The following IFNG-AS1 variants were observed in gnomAD, a reference collection of about 807,000 sequenced individuals.
IFNG-AS1 encodes IFNG antisense RNA 1 (non-protein coding).
chr12:68,008,995 A>G (rs1285192417), intron 3 of IFNG-AS1, among the ~76,000 whole-genome samples: 5 of 152,232 alleles, frequency 3.3e-5, no homozygotes, highest in Non-Finnish European at 7.3e-5. Flanking sequence ...AGTTGAAAAT[A>G]CAACTTTTGA....
chr12:67,997,466 A>G (rs537663061), intron 2 of IFNG-AS1, among the ~76,000 whole-genome samples: 1 of 152,126 alleles, frequency 6.6e-6, no homozygotes, highest in Admixed American at 6.5e-5. Flanking sequence ...TTAGATCCAT[A>G]TCTCACACCA....
chr12:68,015,969 A>G (rs2120477631), intron 3 of IFNG-AS1, among the ~76,000 whole-genome samples: 1 of 152,134 alleles, frequency 6.6e-6, no homozygotes, highest in Non-Finnish European at 1.5e-5. Context: ...AACCTTTCCC[A>G]GAAATTGACA....
chr12:67,996,971 G>T (rs1879656356), intron 2 of IFNG-AS1, among the ~76,000 whole-genome samples: 1 of 152,034 alleles, frequency 6.6e-6, no homozygotes, highest in South Asian at 2.1e-4. Flanking sequence ...AATAAGATAA[G>T]TTATTATAAT....
At chr12:67,992,853 T>C (rs1205328471) in intron 1 of IFNG-AS1, among the ~76,000 whole-genome samples, 1 of 152,244 alleles carries the variant, frequency 6.6e-6, no homozygotes, top group East Asian at 1.9e-4. Context: ...AATATCACTG[T>C]GCCAACTTTA....
chr12:68,007,859 C>G (rs1401244950), intron 3 of IFNG-AS1, among the ~76,000 whole-genome samples: 1 of 152,116 alleles, frequency 6.6e-6, no homozygotes, highest in African/African-American at 2.4e-5. Flanking sequence ...AAATAGATGA[C>G]TTGGTGCCCT....
intron 3 of IFNG-AS1, among the ~76,000 whole-genome samples, chr12:68,018,221 T>C (rs1337610682): frequency 6.6e-6 from 1 of 152,086 alleles, no homozygotes; most frequent in Non-Finnish European, 1.5e-5. Context: ...TTATTTTTGG[T>C]CTTCTGAACA....
intron 1 of IFNG-AS1, among the ~76,000 whole-genome samples, chr12:67,993,318 G>C (rs1162537745): frequency 6.6e-6 from 1 of 152,156 alleles, no homozygotes; most frequent in African/African-American, 2.4e-5. Flanking sequence ...ATTCATCTCA[G>C]TGAAAGCATC....
chr12:68,012,233 A>G (rs1414404292), intron 3 of IFNG-AS1, among the ~76,000 whole-genome samples: 2 of 152,080 alleles, frequency 1.3e-5, no homozygotes, highest in Non-Finnish European at 2.9e-5. Context: ...AAATTTTTTT[A>G]AGTACTAGGG....
At chr12:67,998,239 T>G (rs1367324302) in intron 2 of IFNG-AS1, among the ~76,000 whole-genome samples, 1 of 152,048 alleles carries the variant, frequency 6.6e-6, no homozygotes, top group East Asian at 1.9e-4. Context: ...AATGTAAATA[T>G]CTGAACACAA....
intron 2 of IFNG-AS1, among the ~76,000 whole-genome samples, chr12:68,002,863 T>G (rs1215159402): frequency 6.6e-6 from 1 of 152,212 alleles, no homozygotes; most frequent in Non-Finnish European, 1.5e-5. Flanking sequence ...GCAGAAAGTA[T>G]CAGTGAGCCA....
intron 3 of IFNG-AS1, among the ~76,000 whole-genome samples, chr12:68,006,746 G>A (rs539140430): frequency 1.3e-5 from 2 of 152,332 alleles, no homozygotes; most frequent in African/African-American, 4.8e-5. Flanking sequence ...GGCACTGAAA[G>A]AACAGGCTGC....
intron 3 of IFNG-AS1, among the ~76,000 whole-genome samples, chr12:68,015,211 G>A (rs12582257): frequency 0.036 from 5,517 of 152,190 alleles, 261 homozygotes; most frequent in East Asian, 0.19. Flanking sequence ...GACAATGCAG[G>A]CAGGGGCTTC....
At chr12:68,002,854 C>A (rs7962511) in intron 2 of IFNG-AS1, among the ~76,000 whole-genome samples, 1 of 152,024 alleles carries the variant, frequency 6.6e-6, no homozygotes, top group Non-Finnish European at 1.5e-5. Context: ...ATTTGTGCAG[C>A]AGAAAGTATC....
chr12:68,003,200 T>C (rs1185957670), intron 2 of IFNG-AS1, among the ~76,000 whole-genome samples: 1 of 152,208 alleles, frequency 6.6e-6, no homozygotes, highest in Non-Finnish European at 1.5e-5. Context: ...AATCAGTCTT[T>C]TATTGTCAGA....
rs188869814 is a variant in IFNG-AS1, at chr12:67,990,783, G to T, written n.51+1204G>T. Among the ~76,000 whole-genome samples the T allele has an allele frequency of 2.5e-3, 381 of 152,122 alleles. 3 individuals carry two copies. Among genetic ancestry groups the T allele is most frequent in the Middle Eastern group, 0.024 (7 of 294 alleles). The stretch of plus-strand genomic sequence containing the variant: ...AATTTTTTGTATTTTTAGTAGAGAT[G>T]GGGTTTCCCTATGTTGGCCAAGCTG... On this transcript the variant is annotated intron_variant and non_coding_transcript_variant, in intron 1 of 5. Coordinates refer to ENST00000536914, the Ensembl canonical transcript of IFNG-AS1.
At chr12:67,993,003 G>A (rs1452336928) in intron 1 of IFNG-AS1, among the ~76,000 whole-genome samples, 1 of 152,136 alleles carries the variant, frequency 6.6e-6, no homozygotes. Context: ...TTAAGAAAAT[G>A]AAGTAGCCGA....
intron 3 of IFNG-AS1, among the ~76,000 whole-genome samples, chr12:68,019,412 G>A (rs1198540766): frequency 6.6e-6 from 1 of 152,144 alleles, no homozygotes; most frequent in Non-Finnish European, 1.5e-5. Context: ...AAAGAGCCGA[G>A]CCAGAATTCA....
At chr12:68,000,465 C>T (rs1180393886) in intron 2 of IFNG-AS1, among the ~76,000 whole-genome samples, 1 of 151,992 alleles carries the variant, frequency 6.6e-6, no homozygotes, top group Non-Finnish European at 1.5e-5. Flanking sequence ...GCCAGGAGTT[C>T]AAGACCAGCC....
At chr12:68,018,152 G>C (rs554448748) in intron 3 of IFNG-AS1, among the ~76,000 whole-genome samples, 2 of 152,166 alleles carry the variant, frequency 1.3e-5, no homozygotes, top group Non-Finnish European at 2.9e-5. Context: ...TGGGCTCACT[G>C]TTCTGTATGG....
Sources: allele counts gnomAD v4.1 joint callset (sites outside exome capture counted in the v4.1 genomes callset), GRCh38; gene constraint gnomAD v4.1.1; transcripts MANE v1.5; gene names NCBI Gene and HGNC (gene_info 2026-07-23, HGNC 2026-07-21).